The following NSD1 variants were observed in gnomAD, a reference collection of about 807,000 sequenced individuals.
NSD1 encodes histone-lysine N-methyltransferase, H3 lysine-36 specific.
A neutral mutation model predicts 242.7 loss-of-function variants in NSD1; 26 were observed. The observed-to-expected ratio is 0.11, with a 90% CI of 0.08 to 0.15. The LOEUF (loss-of-function observed/expected upper bound fraction) is 0.15, where lower values mean the gene tolerates loss of function less well. NSD1 is among the 10% of genes least tolerant of loss of function. NSD1 has a pLI of 1.00. For synonymous variants in NSD1, 1,106 were observed against 1,178.1 expected (o/e 0.94, Z 1.25); for missense variants, 2,495 against 3,272.8 (o/e 0.76, Z 5.80).
intron 2 of NSD1, among the ~76,000 whole-genome samples, chr5:177,138,336 A>G (rs1042735865): frequency 4.6e-5 from 7 of 151,888 alleles, no homozygotes; most frequent in South Asian, 2.1e-4. Context: ...GCTCACTTCA[A>G]CCACCTCCTC....
At chr5:177,278,793 A>G (rs1196846737) in intron 17 of NSD1, among the ~76,000 whole-genome samples, 1 of 152,248 alleles carries the variant, frequency 6.6e-6, no homozygotes, top group Non-Finnish European at 1.5e-5. Context: ...TTTGTGTCTT[A>G]GAAGACTAAA....
intron 2 of NSD1, among the ~76,000 whole-genome samples, chr5:177,145,908 CAAA>C (rs35091295): frequency 8.3e-6 from 1 of 119,782 alleles, no homozygotes. Context: ...AACTCCATCT[CAAA>C]AAAAAAAAAA....
upstream of NSD1, among the ~76,000 whole-genome samples, chr5:177,132,786 G>T (rs1755964065): frequency 6.6e-6 from 1 of 150,578 alleles, no homozygotes; most frequent in African/African-American, 2.4e-5. The surrounding 1 kb of genome is among the most constrained non-coding windows in gnomAD (Gnocchi z 7.5). Flanking sequence ...GCACGGCCCG[G>T]CAAGGGGAGG....
chr5:177,212,167 G>A lies in NSD1; in HGVS notation c.3768G>A (p.Leu1256=). ...AAAAGGAGCCAGGAATTCCCAGTTT[G>A]ACACCACAGGCTGAGCTCCCTGAAC... ...DMEKEPGIPS[L]TPQAELPEPA... Residue 1256 remains leucine, a synonymous_variant, in exon 5 of 23, where the codon TTG becomes TTA. Coordinates refer to ENST00000439151, the MANE Select transcript of NSD1 (RefSeq NM_022455.5). 1 of 1,613,800 alleles carries A rather than the reference G, an allele frequency of 6.2e-7. No homozygotes were observed. The highest frequency in any genetic ancestry group is 8.5e-7 in the Non-Finnish European group (1 of 1,180,010).
intron 2 of NSD1, among the ~76,000 whole-genome samples, chr5:177,153,043 C>A (rs536518594): frequency 6.6e-6 from 1 of 151,906 alleles, no homozygotes; most frequent in Non-Finnish European, 1.5e-5. Context: ...AGGTATTGTA[C>A]GTAAAGTGCT....
In NSD1 at chr5:177,297,256, C is replaced by T. The variant is rs1760312233; in HGVS notation, c.*1797C>T. On this transcript the variant is annotated 3_prime_UTR_variant, in exon 23 of 23. Transcript: ENST00000439151. ...CTCTGTGAATTCCACCTGCCTAGTTCTCCCCTTTCATCCTCTCTCTCTTCC... is the reference window on the plus strand; with the variant it reads ...CTCTGTGAATTCCACCTGCCTAGTTTTCCCCTTTCATCCTCTCTCTCTTCC... 4.3e-6 allele frequency: 1 copy of T among 232,068 alleles called. No individual in the cohort carries two copies. The highest frequency in any genetic ancestry group is 8.5e-6 in the Non-Finnish European group (1 of 117,414). 14.4% of individuals were successfully genotyped at this position (232,068 alleles called of 1,614,324 possible). A position where few individuals can be genotyped will look rare whatever the true frequency, so the allele number is the denominator to read the frequency against.
chr5:177,207,078 A>T (rs1479575234), intron 4 of NSD1, among the ~76,000 whole-genome samples: 1 of 151,974 alleles, frequency 6.6e-6, no homozygotes, highest in East Asian at 1.9e-4. Context: ...CTGAGATTAC[A>T]GGCTTGCGCC....
intron 2 of NSD1, among the ~76,000 whole-genome samples, chr5:177,154,082 C>T (rs1757936185): frequency 6.6e-6 from 1 of 152,100 alleles, no homozygotes; most frequent in Non-Finnish European, 1.5e-5. Flanking sequence ...GATCCCTGTC[C>T]AAGACGGCTC....
intron 2 of NSD1, among the ~76,000 whole-genome samples, chr5:177,158,234 C>CTAAT (rs1562129814): frequency 7.5e-6 from 1 of 133,510 alleles, no homozygotes; most frequent in African/African-American, 2.7e-5. Flanking sequence ...TATATGGGTT[C>CTAAT]TAATTTCTTT....
chr5:177,159,385 C>T (rs1390076000), intron 2 of NSD1, among the ~76,000 whole-genome samples: 2 of 150,156 alleles, frequency 1.3e-5, no homozygotes, highest in East Asian at 3.9e-4. Context: ...CTGGTTCAAG[C>T]GATTCCGGTG....
chr5:177,209,459 G>A (rs1279643455), intron 4 of NSD1, among the ~76,000 whole-genome samples, 177 bp from the exon 5 acceptor site: 1 of 150,594 alleles, frequency 6.6e-6, no homozygotes, highest in African/African-American at 2.4e-5. Context: ...AACCCGGGAG[G>A]CAGAGGTTGT....
chr5:177,214,020 G>C (rs1763572059), intron 5 of NSD1, among the ~76,000 whole-genome samples: 1 of 151,872 alleles, frequency 6.6e-6, no homozygotes, highest in African/African-American at 2.4e-5. Context: ...GCCCAGGCTA[G>C]AGTGAGATTT....
At chr5:177,163,358 G>A (rs1758916264) in intron 2 of NSD1, among the ~76,000 whole-genome samples, 1 of 151,782 alleles carries the variant, frequency 6.6e-6, no homozygotes, top group African/African-American at 2.4e-5. Context: ...GGCCAGGCTG[G>A]TCTTGAACTC....
At chr5:177,170,991 CCTT>C (rs1180671629) in intron 2 of NSD1, among the ~76,000 whole-genome samples, 1 of 150,280 alleles carries the variant, frequency 6.7e-6, no homozygotes, top group Non-Finnish European at 1.5e-5. Flanking sequence ...CAAAATGAAA[CCTT>C]CTTGCTTGAT....
At chr5:177,267,793 G>A (rs1025692641) in intron 15 of NSD1, 75 bp downstream of exon 15, 4 of 1,421,012 alleles carry the variant, frequency 2.8e-6, no homozygotes, top group Admixed American at 1.7e-5. Context: ...AATGCTTAAC[G>A]TATTTCTAAT....
intron 3 of NSD1, among the ~76,000 whole-genome samples, chr5:177,195,461 C>T (rs1240615565): frequency 1.3e-5 from 2 of 151,996 alleles, no homozygotes; most frequent in Non-Finnish European, 2.9e-5. Context: ...GTGTCTCTCT[C>T]TCTCTCTCTC....
chr5:177,170,560 C>T (rs1759614853), intron 2 of NSD1, among the ~76,000 whole-genome samples: 1 of 151,976 alleles, frequency 6.6e-6, no homozygotes, highest in Admixed American at 6.6e-5. Flanking sequence ...ACCATGTTGC[C>T]CAGGCTGGTC....
In NSD1 at chr5:177,252,539, C is replaced by CTTTTTTTT. The variant is rs70991600; in HGVS notation, c.4765+709_4765+716dup. 2.3e-4 allele frequency among the ~76,000 whole-genome samples: 11 copies of CTTTTTTTT among 47,430 alleles called. 3 individuals carry two copies. Among genetic ancestry groups the CTTTTTTTT allele is most frequent in the African/African-American group, 6.8e-4 (10 of 14,642 alleles). The allele number at this position is 47,430 out of a possible 152,430, so 31.1% of individuals were successfully genotyped here. ...TAAAGCTGCGCTAAAGTAAAGTGTT[C>CTTTTTTTT]TTTTTTTTTTTTTTTTTTTTTTTTT... On this transcript the variant is annotated intron_variant, in intron 12 of 22. Coordinates refer to ENST00000439151, the MANE Select transcript of NSD1 (RefSeq NM_022455.5).
At chr5:177,159,640 G>T (rs1758570480) in intron 2 of NSD1, among the ~76,000 whole-genome samples, 1 of 148,274 alleles carries the variant, frequency 6.7e-6, no homozygotes, top group Non-Finnish European at 1.5e-5. Flanking sequence ...TTGTTGCCCA[G>T]GCTGGAGTGC....
Sources: allele counts gnomAD v4.1 joint callset (sites outside exome capture counted in the v4.1 genomes callset), GRCh38; gene constraint gnomAD v4.1.1; non-coding constraint Gnocchi (gnomAD v3.1); transcripts MANE v1.5; gene names NCBI Gene and HGNC (gene_info 2026-07-23, HGNC 2026-07-21).